NCK2: variants seen among roughly 807,000 people sequenced by gnomAD.
The protein encoded by NCK2 is cytoplasmic protein NCK2.
In NCK2, 16 loss-of-function variants were observed where a neutral mutation model predicts 33.9. The observed-to-expected ratio is 0.47, with a 90% confidence interval of 0.32 to 0.72. NCK2 has a LOEUF of 0.72. NCK2 is among the 30% of genes least tolerant of loss of function. NCK2 has a pLI of 0.03. For synonymous variants in NCK2, 273 were observed against 239.9 expected, an observed-to-expected ratio of 1.14 and a Z score of -1.27; for missense variants, 418 against 537.3, an observed-to-expected ratio of 0.78 and a Z score of 2.19.
intron 1 of NCK2, among the ~76,000 whole-genome samples, chr2:105,815,563 T>A (rs952876699): frequency 6.6e-6 from 1 of 152,216 alleles, no homozygotes; most frequent in African/African-American, 2.4e-5. Flanking sequence ...CTGAAAATAC[T>A]TACCAAGTGC....
At chr2:105,751,012 C>T (rs990963533) in intron 1 of NCK2, among the ~76,000 whole-genome samples, 1 of 152,170 alleles carries the variant, frequency 6.6e-6, no homozygotes, top group African/African-American at 2.4e-5. Context: ...TGACCTAGGC[C>T]ATTTTGCCTT....
At chr2:105,752,495 T>C (rs902062892) in intron 1 of NCK2, among the ~76,000 whole-genome samples, 2 of 152,218 alleles carry the variant, frequency 1.3e-5, no homozygotes, top group South Asian at 4.1e-4. Context: ...TATATCAGTA[T>C]TCAACACATT....
chr2:105,874,034 G>A (rs1678138106), intron 3 of NCK2, among the ~76,000 whole-genome samples: 1 of 152,196 alleles, frequency 6.6e-6, no homozygotes, highest in African/African-American at 2.4e-5. Flanking sequence ...TTCACAGAGA[G>A]GAATTTTGTT....
At chr2:105,844,747 G>GATATATATATATATATAT (rs67123338) in intron 2 of NCK2, among the ~76,000 whole-genome samples, 1 of 133,620 alleles carries the variant, frequency 7.5e-6, no homozygotes, top group Non-Finnish European at 1.6e-5. Flanking sequence ...GGCGGGGGGG[G>GATATATATATATATATAT]ATATATATAT....
At chr2:105,808,678 C>T (rs1312729018) in intron 1 of NCK2, among the ~76,000 whole-genome samples, 1 of 152,148 alleles carries the variant, frequency 6.6e-6, no homozygotes, top group African/African-American at 2.4e-5. Context: ...AAAATAAAAT[C>T]GACTTAAAGT....
intron 1 of NCK2, among the ~76,000 whole-genome samples, chr2:105,757,736 TG>T (rs1266150330): frequency 6.6e-6 from 1 of 152,234 alleles, no homozygotes; most frequent in Non-Finnish European, 1.5e-5. Flanking sequence ...TCGCCATCTC[TG>T]GGTGGGGGAA....
intron 1 of NCK2, among the ~76,000 whole-genome samples, chr2:105,768,603 G>A (rs1690023618): frequency 6.6e-6 from 1 of 152,188 alleles, no homozygotes; most frequent in South Asian, 2.1e-4. Flanking sequence ...TGTCCAACCC[G>A]CGGTCCAGGA....
chr2:105,801,051 C>A (rs1674815196), intron 1 of NCK2, among the ~76,000 whole-genome samples: 7 of 152,178 alleles, frequency 4.6e-5, no homozygotes, highest in Admixed American at 4.6e-4. Flanking sequence ...AAACAGGTTA[C>A]TGAATGGAGG....
At chr2:105,836,464 A>G (rs1676441520) in intron 2 of NCK2, among the ~76,000 whole-genome samples, 1 of 152,126 alleles carries the variant, frequency 6.6e-6, no homozygotes, top group South Asian at 2.1e-4. Context: ...TACTGAAAAC[A>G]AGGACAGTGG....
chr2:105,787,670 G>A (rs1468189957), intron 1 of NCK2, among the ~76,000 whole-genome samples: 4 of 152,120 alleles, frequency 2.6e-5, no homozygotes, highest in Non-Finnish European at 4.4e-5. Context: ...CTGCGGTGGA[G>A]ACTCCACCCC....
At chr2:105,747,871 A>T (rs1689337706) in intron 1 of NCK2, among the ~76,000 whole-genome samples, 1 of 152,212 alleles carries the variant, frequency 6.6e-6, no homozygotes, top group Admixed American at 6.5e-5. Context: ...CGGCCTTTTA[A>T]CGGGCTATCA....
chr2:105,747,035 AC>A (rs1365361685), intron 1 of NCK2, among the ~76,000 whole-genome samples: 1 of 151,912 alleles, frequency 6.6e-6, no homozygotes, highest in African/African-American at 2.4e-5. Context: ...CTGCTGCATA[AC>A]CCCCTCTGTC....
intron 2 of NCK2, among the ~76,000 whole-genome samples, chr2:105,839,366 G>T (rs1272213310): frequency 6.6e-6 from 1 of 152,188 alleles, no homozygotes; most frequent in Non-Finnish European, 1.5e-5. Context: ...GACTGGAGAG[G>T]TGCTGTTGGT....
chr2:105,840,230 A>G (rs1676590614), intron 2 of NCK2, among the ~76,000 whole-genome samples: 1 of 152,174 alleles, frequency 6.6e-6, no homozygotes, highest in South Asian at 2.1e-4. Context: ...CCAGGGAATA[A>G]TTATAGGAGC....
chr2:105,835,391 A>ATATATG (rs1676363258), intron 2 of NCK2, among the ~76,000 whole-genome samples: 1,575 of 37,102 alleles, frequency 0.042, 111 homozygotes, highest in African/African-American at 0.11. Context: ...ATATACACAT[A>ATATATG]TATATATATA....
intron 1 of NCK2, among the ~76,000 whole-genome samples, chr2:105,749,594 TAG>T (rs1689387994): frequency 6.6e-6 from 1 of 152,120 alleles, no homozygotes; most frequent in South Asian, 2.1e-4. Flanking sequence ...TGTTGCTGGG[TAG>T]AGTTGTTTTT....
Position 105,881,926 on chromosome 2 carries a change from G to T in NCK2, c.825G>T (p.Ser275=). The T allele has an allele frequency of 6.4e-7, 1 of 1,562,626 alleles. No homozygotes were observed. The highest frequency in any genetic ancestry group is 1.2e-5 in the South Asian group (1 of 82,202). The change falls in exon 4 of 5, where the codon TCG becomes TCT. Residue 275 remains serine (S), a synonymous_variant. Transcript: ENST00000233154. ...HAPQISYTGP[S]SSGRFAGREW... ...CACAGATAAGCTACACCGGGCCCTC[G>T]TCCAGCGGGCGCTTCGCGGGCAGAG... is the stretch of plus-strand genomic sequence containing the variant.
intron 3 of NCK2, chr2:105,856,669 C>T (rs1677284279): frequency 6.6e-6 from 1 of 152,194 alleles, no homozygotes; most frequent in Admixed American, 6.5e-5. Context: ...TAGGTTCTTA[C>T]CATGATTTGG....
At chr2:105,749,063 GCAA>G (rs1558819490) in intron 1 of NCK2, among the ~76,000 whole-genome samples, 1 of 152,106 alleles carries the variant, frequency 6.6e-6, no homozygotes. Flanking sequence ...AACAACAACA[GCAA>G]CAACAACAAC....
Sources: allele counts gnomAD v4.1 joint callset (sites outside exome capture counted in the v4.1 genomes callset), GRCh38; gene constraint gnomAD v4.1.1; transcripts MANE v1.5; gene names NCBI Gene and HGNC (gene_info 2026-07-23, HGNC 2026-07-21).